The following NTM variants were observed in gnomAD, a reference collection of about 807,000 sequenced individuals.
NTM encodes IgLON family member 2.
A neutral mutation model predicts 42.1 loss-of-function variants in NTM; 13 were observed. The observed-to-expected ratio is 0.31, with a 90% CI of 0.20 to 0.49. The LOEUF (loss-of-function observed/expected upper bound fraction) is 0.49. Ranked by LOEUF, NTM falls within the 20% of genes least tolerant of loss-of-function variation. The pLI is 0.99. For missense variants in NTM, 373 were observed against 452.8 expected (o/e 0.82, Z 1.60); for synonymous variants, 187 against 179.2 (o/e 1.04, Z -0.35).
intron 3 of NTM, among the ~76,000 whole-genome samples, chr11:132,210,963 G>C (rs967511236): frequency 6.6e-6 from 1 of 152,292 alleles, no homozygotes. Context: ...GGGGGAGAGA[G>C]AGAGAGAGAT....
At chr11:131,663,776 C>T (rs1421777894) in intron 1 of NTM, among the ~76,000 whole-genome samples, 5 of 152,052 alleles carry the variant, frequency 3.3e-5, no homozygotes, top group East Asian at 1.9e-4. Flanking sequence ...AAGTGTCAGA[C>T]GTCTTACTAA....
Position 132,085,146 on chromosome 11 carries a change from T to C in NTM, c.168-61136T>C, listed in dbSNP as rs777539493. Reference sequence around the variant, plus strand: ...CTTTATCTTATCTAATTTAAAGCAATATTTTATCCCAAGGCAAAAATGTAC... The same window carrying C: ...CTTTATCTTATCTAATTTAAAGCAACATTTTATCCCAAGGCAAAAATGTAC... On this transcript the variant is annotated intron_variant, in intron 2 of 8. Coordinates refer to ENST00000683400, the MANE Select transcript of NTM (RefSeq NM_001352005.2). Among the ~76,000 whole-genome samples, 22 of 152,358 alleles carry C rather than the reference T, an allele frequency of 1.4e-4. 1 individual carries two copies. The highest frequency in any genetic ancestry group is 6.2e-4 in the South Asian group (3 of 4,830).
chr11:131,425,881 T>A (rs894471917), intron 1 of NTM, among the ~76,000 whole-genome samples: 1 of 152,170 alleles, frequency 6.6e-6, no homozygotes, highest in Non-Finnish European at 1.5e-5. Context: ...TATTTGCAAC[T>A]GTTATCTTCC....
At chr11:131,454,962 G>A (rs1384380128) in intron 1 of NTM, among the ~76,000 whole-genome samples, 1 of 152,124 alleles carries the variant, frequency 6.6e-6, no homozygotes, top group African/African-American at 2.4e-5. Context: ...TATAGGGAGG[G>A]GGGAAGACAT....
At chr11:131,821,002 T>A (rs987071315) in intron 1 of NTM, among the ~76,000 whole-genome samples, 27 of 150,478 alleles carry the variant, frequency 1.8e-4, no homozygotes, top group African/African-American at 6.2e-4. Context: ...ACTCTAGCAG[T>A]AACACCAAGA....
At chr11:131,496,285 A>G (rs1397148881) in intron 1 of NTM, among the ~76,000 whole-genome samples, 3 of 152,204 alleles carry the variant, frequency 2.0e-5, no homozygotes, top group Non-Finnish European at 4.4e-5. Context: ...TGATGCATTC[A>G]AGGTCCTGCG....
In NTM at chr11:132,003,991, A is replaced by G. The variant is rs1349729626; in HGVS notation, c.167+92343A>G. ...TAATCAACCATTAGCATAATGTATT[A>G]GCATATCTATAGCACAATTATATTT... On this transcript the variant is annotated intron_variant, in intron 2 of 8. Transcript: ENST00000683400. This position sits in a 1 kb window ranked among gnomAD's most constrained non-coding sequence, Gnocchi z 6.0. 1.3e-5 allele frequency among the ~76,000 whole-genome samples: 2 copies of G among 152,236 alleles called. No homozygotes were observed. The highest frequency in any genetic ancestry group is 3.2e-3 in the Middle Eastern group (1 of 316).
At chr11:132,051,806 T>G (rs999503422) in intron 2 of NTM, among the ~76,000 whole-genome samples, 1 of 152,224 alleles carries the variant, frequency 6.6e-6, no homozygotes. Flanking sequence ...GTGAGCTTTA[T>G]CAAGTGCTGA....
At chr11:132,129,697 A>T (rs1309077179) in intron 2 of NTM, among the ~76,000 whole-genome samples, 2 of 152,202 alleles carry the variant, frequency 1.3e-5, no homozygotes, top group Admixed American at 1.3e-4. Flanking sequence ...TCTTCAGTGC[A>T]CACACAGAAT....
chr11:132,278,743 TTCTCTCTCTCTCTC>T (rs66748602), intron 4 of NTM, among the ~76,000 whole-genome samples: 317 of 138,076 alleles, frequency 2.3e-3, no homozygotes, highest in Non-Finnish European at 3.3e-3. Flanking sequence ...TCATTTGGGC[TTCTCTCTCTCTCTC>T]TCTCTCTCTC....
intron 1 of NTM, among the ~76,000 whole-genome samples, chr11:131,620,919 AT>A (rs2062461816): frequency 6.6e-6 from 1 of 152,228 alleles, no homozygotes; most frequent in African/African-American, 2.4e-5. Context: ...TAGATGTCCA[AT>A]AGCTACTTCT....
intron 2 of NTM, among the ~76,000 whole-genome samples, chr11:131,915,937 G>A (rs1001735907): frequency 1.3e-5 from 2 of 152,318 alleles, no homozygotes; most frequent in East Asian, 1.9e-4. Flanking sequence ...GATTTGGGTG[G>A]GGACACAGCC....
chr11:132,268,075 C>T (rs2093299031), intron 4 of NTM, among the ~76,000 whole-genome samples: 1 of 152,068 alleles, frequency 6.6e-6, no homozygotes, highest in African/African-American at 2.4e-5. Flanking sequence ...GGGTTCATAC[C>T]TATAATATTA....
rs2066362501 is a variant in NTM at position 131,987,981 on chromosome 11, C to G, written c.167+76333C>G. Among the ~76,000 whole-genome samples the G allele has an allele frequency of 2.6e-5, 4 of 152,294 alleles. 1 individual carries two copies. The South Asian group carries it at 8.3e-4, about 32-fold the overall frequency. On this transcript the variant is annotated intron_variant, in intron 2 of 8. Transcript: ENST00000683400. ...CAATCTGGTTGCTGTAACAAAATAC[C>G]AGGCTGGGTGGCTGATAAACAACAA...
chr11:132,029,062 GT>G (rs56085410), intron 2 of NTM, among the ~76,000 whole-genome samples: 7,521 of 151,234 alleles, frequency 0.05, 247 homozygotes, highest in Non-Finnish European at 0.073. Flanking sequence ...GTTGGTGTGG[GT>G]TTTTTTTTTT....
chr11:132,092,856 A>G lies in NTM; in HGVS notation c.168-53426A>G, dbSNP rs1383708546. 1.3e-5 allele frequency among the ~76,000 whole-genome samples: 2 copies of G among 152,084 alleles called. 1 individual carries two copies. The highest frequency in any genetic ancestry group is 1.3e-4 in the Admixed American group (2 of 15,276). On this transcript the variant is annotated intron_variant, in intron 2 of 8. Transcript: ENST00000683400. ...CAAGTCCTCCATTTTGACTTCCCAA[A>G]TCTGTCTGAAAACTAAACATTTCTT...
intron 2 of NTM, among the ~76,000 whole-genome samples, chr11:132,086,584 C>T (rs1425738884): frequency 2.0e-5 from 3 of 152,184 alleles, no homozygotes; most frequent in Admixed American, 6.5e-5. Context: ...CCAAACGTGA[C>T]CTCACAGGTG....
intron 1 of NTM, among the ~76,000 whole-genome samples, chr11:131,714,712 A>G (rs912004731): frequency 6.6e-6 from 1 of 152,150 alleles, no homozygotes; most frequent in African/African-American, 2.4e-5. Flanking sequence ...AGCACAGTGT[A>G]AGTCATGTGT....
intron 1 of NTM, among the ~76,000 whole-genome samples, chr11:131,590,375 G>T (rs926038152): frequency 2.6e-5 from 4 of 152,188 alleles, no homozygotes; most frequent in African/African-American, 9.7e-5. Flanking sequence ...CAGCAAACAG[G>T]TTGATACCAG....
Sources: gnomAD v4.1 joint callset for allele counts (sites outside exome capture counted in the v4.1 genomes callset) on GRCh38, gnomAD v4.1.1 for gene constraint, Gnocchi (gnomAD v3.1) non-coding constraint, MANE v1.5 for transcripts, NCBI Gene and HGNC (gene_info 2026-07-23, HGNC 2026-07-21) for gene names.